Variants in L3HYPDH observed in about 807,000 individuals in gnomAD.
L3HYPDH encodes the protein trans-3-hydroxy-L-proline dehydratase.
A neutral mutation model predicts 26.5 loss-of-function variants in L3HYPDH; 32 were observed. The observed-to-expected ratio is 1.21, with a 90% confidence interval of 0.91 to 1.62. L3HYPDH has a LOEUF of 1.62. Ranked by LOEUF, L3HYPDH falls within the 40% of genes most tolerant of loss-of-function variation. L3HYPDH has a pLI of 0.00. For missense variants in L3HYPDH, 554 were observed against 476.4 expected (o/e 1.16, Z -1.52); for synonymous variants, 215 against 196.6 (o/e 1.09, Z -0.78).
chr14:59,484,789 G>A (rs547833097), upstream of L3HYPDH: 3 of 899,546 alleles, frequency 3.3e-6, no homozygotes, highest in South Asian at 3.5e-5. Context: ...GGCTACTAGG[G>A]GAGGCGCGCT....
chr14:59,495,871 G>GA, the L3HYPDH span, among the ~76,000 whole-genome samples: 7,120 of 152,168 alleles, frequency 0.047, 555 homozygotes, highest in African/African-American at 0.16. Flanking sequence ...AGATATCTTA[G>GA]AAAAAATGAA....
At chr14:59,481,190 TTTAAAG>T (rs1469185982) in intron 1 of L3HYPDH, among the ~76,000 whole-genome samples, 1 of 152,226 alleles carries the variant, frequency 6.6e-6, no homozygotes, top group Non-Finnish European at 1.5e-5. Context: ...CCAAATTTCC[TTTAAAG>T]TTACTCTTGT....
downstream of L3HYPDH, among the ~76,000 whole-genome samples, chr14:59,467,907 T>C (rs531621424): frequency 2.0e-5 from 3 of 152,354 alleles, no homozygotes; most frequent in Admixed American, 2.0e-4. Flanking sequence ...CCAAGACCTA[T>C]GGATTTTAGT....
At chr14:59,480,536 T>C (rs1388588962) in intron 1 of L3HYPDH, among the ~76,000 whole-genome samples, 2 of 152,206 alleles carry the variant, frequency 1.3e-5, no homozygotes, top group Admixed American at 6.5e-5. Context: ...TGAGGCTAAG[T>C]GAACCAAAAG....
chr14:59,468,928 CG>C (rs1889252800), downstream of L3HYPDH, among the ~76,000 whole-genome samples: 1 of 151,982 alleles, frequency 6.6e-6, no homozygotes, highest in Non-Finnish European at 1.5e-5. Flanking sequence ...ATTCTCTGGG[CG>C]TAAGTAACAC....
At chr14:59,485,317 A>G (rs1423752982), upstream of L3HYPDH, 3 of 497,014 alleles carry the variant, frequency 6.0e-6, no homozygotes, top group Non-Finnish European at 1.0e-5. Context: ...TTAATTTAGA[A>G]CATTGTGATT....
intron 2 of L3HYPDH, among the ~76,000 whole-genome samples, chr14:59,477,944 G>A (rs541960136): frequency 2.5e-4 from 38 of 152,214 alleles, no homozygotes; most frequent in African/African-American, 9.2e-4. Context: ...GGTAAAATGT[G>A]CTTCACTCGT....
the L3HYPDH span, among the ~76,000 whole-genome samples, chr14:59,490,122 A>C: frequency 2.6e-5 from 4 of 151,852 alleles, no homozygotes; most frequent in African/African-American, 7.3e-5. Context: ...GGGTCTCTCT[A>C]TGTTGCCCAG....
At chr14:59,504,981 G>A in the L3HYPDH span, 1 of 265,346 alleles carries the variant, frequency 3.8e-6, no homozygotes, top group African/African-American at 2.2e-5. Flanking sequence ...TGATGTTTAT[G>A]CTTTGAAGGC....
chr14:59,493,593 A>G, the L3HYPDH span, among the ~76,000 whole-genome samples: 9 of 152,080 alleles, frequency 5.9e-5, no homozygotes, highest in African/African-American at 2.2e-4. Flanking sequence ...ATTAGAAATA[A>G]CAAGACAGTT....
At chr14:59,496,696 A>G in the L3HYPDH span, among the ~76,000 whole-genome samples, 7 of 152,314 alleles carry the variant, frequency 4.6e-5, 1 homozygote, top group South Asian at 4.1e-4. Flanking sequence ...CTCTCTGTCA[A>G]TCAGAATCAT....
upstream of L3HYPDH, chr14:59,487,803 A>G (rs1264209560): frequency 3.7e-6 from 6 of 1,613,666 alleles, no homozygotes; most frequent in Admixed American, 3.3e-5. Flanking sequence ...TTGGTTCTTC[A>G]TTGAATGGTA....
upstream of L3HYPDH, chr14:59,486,940 C>T (rs1890627442): frequency 3.0e-5 from 20 of 658,984 alleles, no homozygotes; most frequent in South Asian, 3.9e-4. Flanking sequence ...GTGGCTCATG[C>T]CTGTAATCCC....
At chr14:59,494,999 G>C in the L3HYPDH span, 7 of 1,580,038 alleles carry the variant, frequency 4.4e-6, no homozygotes, top group South Asian at 6.6e-5. Flanking sequence ...TAGTAATCAT[G>C]CCTCTTTTCC....
the L3HYPDH span, among the ~76,000 whole-genome samples, chr14:59,503,682 C>T: frequency 2.0e-5 from 3 of 152,198 alleles, no homozygotes; most frequent in African/African-American, 7.2e-5. Context: ...CTTTCCTCAT[C>T]TATAAAGTGG....
intron 2 of L3HYPDH, among the ~76,000 whole-genome samples, chr14:59,476,745 T>A (rs142744914): frequency 6.6e-6 from 1 of 152,054 alleles, no homozygotes; most frequent in African/African-American, 2.4e-5. Context: ...AGAGAAACAA[T>A]TGGAGGAAAA....
At chr14:59,501,019 C>A in the L3HYPDH span, 1 of 559,836 alleles carries the variant, frequency 1.8e-6, no homozygotes, top group Non-Finnish European at 3.1e-6. Context: ...TACTATCTTG[C>A]CCTTTCCAGA....
In L3HYPDH at chr14:59,484,376, C is replaced by T; in HGVS notation, c.-60G>A. On this transcript the variant is annotated 5_prime_UTR_variant, in exon 1 of 5. It adds an upstream start codon to the 5' untranslated region. Transcript: ENST00000247194. ...GCTATGGCTTCAAGCCCGACCCTCA[C>T]CCACTGACTCCGCGGGAGGAGGGCG... 3 of 1,498,388 alleles carry T rather than the reference C, an allele frequency of 2.0e-6. No individual in the cohort carries two copies. The highest frequency in any genetic ancestry group is 2.5e-5 in the South Asian group (2 of 80,880). The allele number at this position is 1,498,388 out of a possible 1,614,324, so 92.8% of individuals were successfully genotyped here. A position where few individuals can be genotyped will look rare whatever the true frequency, so the allele number is the denominator to read the frequency against.
At chr14:59,466,360 T>A (rs1482348890) in intron 1 of L3HYPDH, among the ~76,000 whole-genome samples, 2 of 152,202 alleles carry the variant, frequency 1.3e-5, no homozygotes, top group Non-Finnish European at 2.9e-5. Flanking sequence ...GGGCATGGCC[T>A]CTAATGGGGA....
Sources: gnomAD v4.1 joint callset for allele counts (sites outside exome capture counted in the v4.1 genomes callset) on GRCh38, gnomAD v4.1.1 for gene constraint, MANE v1.5 for transcripts, NCBI Gene and HGNC (gene_info 2026-07-23, HGNC 2026-07-21) for gene names.